The following PCDH15 variants were observed in gnomAD, a reference collection of about 807,000 sequenced individuals.
PCDH15 encodes protocadherin-15.
Under a neutral mutation model 178.5 loss-of-function variants are expected in PCDH15, and 129 were observed. That is an observed-to-expected ratio of 0.72 (90% CI 0.63 to 0.84). The LOEUF is 0.84. PCDH15 is among the 40% of genes least tolerant of loss of function. The pLI, the probability that PCDH15 is intolerant of heterozygous loss-of-function variation, is 0.00. For synonymous variants in PCDH15, 800 were observed against 732.0 expected, an observed-to-expected ratio of 1.09 and a Z score of -1.50; for missense variants, 2,230 against 2,099.9, an observed-to-expected ratio of 1.06 and a Z score of -1.21.
chr10:55,578,886 A>AC (rs1842549242), intron 2 of PCDH15, among the ~76,000 whole-genome samples: 1 of 151,908 alleles, frequency 6.6e-6, no homozygotes, highest in Non-Finnish European at 1.5e-5. Flanking sequence ...GGGAAGATCC[A>AC]CCCCCCTATG....
chr10:54,421,943 A>ATT (rs1955566233), intron 3 of PCDH15, among the ~76,000 whole-genome samples: 1 of 112,198 alleles, frequency 8.9e-6, no homozygotes, highest in Admixed American at 8.7e-5. Flanking sequence ...ATATATATAT[A>ATT]TAAAAATATA....
At position 55,573,023 on chromosome 10, in the gene PCDH15, C is replaced by T. The variant is rs576884566; in HGVS notation, c.-156+54602G>A. Reference sequence around the variant, plus strand: ...ATGATGTTATATTTACTCTATTAGACAATGTGACAAGAAGAATGGATCATT... The same window carrying T: ...ATGATGTTATATTTACTCTATTAGATAATGTGACAAGAAGAATGGATCATT... On this transcript the variant is annotated intron_variant, in intron 2 of 5. Coordinates refer to the PCDH15 transcript ENST00000613346. Among the ~76,000 whole-genome samples, 22 of 152,008 alleles carry T rather than the reference C, an allele frequency of 1.4e-4. No homozygotes were observed. In the East Asian group the frequency reaches 4.3e-3, roughly 29 times the overall value.
rs1204891961 is a variant in PCDH15 at position 55,432,111 on chromosome 10, ACAC to A, written c.-156+195511_-156+195513del. 4.7e-3 allele frequency among the ~76,000 whole-genome samples: 681 copies of A among 144,198 alleles called. 4 individuals are homozygous for A. Among genetic ancestry groups the A allele is most frequent in the African/African-American group, 0.017 (649 of 37,666 alleles). The allele number at this position is 144,198 out of a possible 152,430, so 94.6% of individuals were successfully genotyped here. ...CACACACACACACACACACACACAC[ACAC>A]CACAAGTCTCTCCAATTATATGCTC... On this transcript the variant is annotated intron_variant, in intron 2 of 5. Transcript: ENST00000613346.
intron 3 of PCDH15, among the ~76,000 whole-genome samples, chr10:54,826,282 A>G (rs1446342134): frequency 6.6e-6 from 1 of 152,056 alleles, no homozygotes; most frequent in Non-Finnish European, 1.5e-5. Flanking sequence ...GAAATTTTCA[A>G]TCAGCTATAT....
At chr10:54,625,111 A>G (rs1714108958) in intron 2 of PCDH15, among the ~76,000 whole-genome samples, 1 of 152,134 alleles carries the variant, frequency 6.6e-6, no homozygotes, top group Non-Finnish European at 1.5e-5. Context: ...AAAAGTACCA[A>G]AGCACTTTGA....
chr10:55,424,734 A>C (rs1044827710), intron 2 of PCDH15, among the ~76,000 whole-genome samples: 1 of 152,102 alleles, frequency 6.6e-6, no homozygotes, highest in Non-Finnish European at 1.5e-5. Flanking sequence ...CTTATATAAG[A>C]AAAAAGGCAA....
intron 8 of PCDH15, among the ~76,000 whole-genome samples, chr10:54,257,781 C>A (rs1018967727): frequency 1.3e-5 from 2 of 151,964 alleles, no homozygotes; most frequent in African/African-American, 4.8e-5. Context: ...TGGCCACTGA[C>A]CAAAAATAAA....
intron 2 of PCDH15, among the ~76,000 whole-genome samples, chr10:54,607,412 T>C (rs1265655323): frequency 1.3e-5 from 2 of 151,722 alleles, no homozygotes; most frequent in African/African-American, 2.4e-5. Context: ...TATGATAACA[T>C]GTGGCATTAT....
intron 21 of PCDH15, among the ~76,000 whole-genome samples, chr10:53,993,438 G>A (rs554301733): frequency 6.6e-6 from 1 of 152,262 alleles, no homozygotes; most frequent in South Asian, 2.1e-4. Context: ...TAGTTTGGAA[G>A]AGAGACTATT....
chr10:55,230,325 C>G (rs1197097260), intron 1 of PCDH15, among the ~76,000 whole-genome samples: 1 of 151,998 alleles, frequency 6.6e-6, no homozygotes, highest in Non-Finnish European at 1.5e-5. Context: ...CAGACAGTGA[C>G]ATACATATAT....
intron 2 of PCDH15, among the ~76,000 whole-genome samples, chr10:54,972,920 A>G (rs1838974979): frequency 6.6e-6 from 1 of 150,850 alleles, no homozygotes; most frequent in Non-Finnish European, 1.5e-5. Flanking sequence ...GAATTATTTT[A>G]TAAAAAAGAA....
At chr10:54,903,170 A>G (rs1331909969) in intron 2 of PCDH15, among the ~76,000 whole-genome samples, 1 of 152,190 alleles carries the variant, frequency 6.6e-6, no homozygotes, top group East Asian at 1.9e-4. Flanking sequence ...ACTAGGTACG[A>G]AAGAAAAGAA....
At chr10:55,605,292 T>G (rs1040316911) in intron 2 of PCDH15, among the ~76,000 whole-genome samples, 13 of 152,142 alleles carry the variant, frequency 8.5e-5, no homozygotes, top group Non-Finnish European at 1.6e-4. Flanking sequence ...ACCAGATGGA[T>G]TCACAGTCGA....
intron 2 of PCDH15, among the ~76,000 whole-genome samples, chr10:55,605,124 G>T (rs920408865): frequency 4.0e-5 from 6 of 150,916 alleles, no homozygotes; most frequent in Non-Finnish European, 8.9e-5. Flanking sequence ...ACACCTCTAC[G>T]CAAATAAACT....
At chr10:54,382,580 TACATA>T (rs1249466690) in intron 3 of PCDH15, among the ~76,000 whole-genome samples, 9 of 152,180 alleles carry the variant, frequency 5.9e-5, no homozygotes, top group East Asian at 1.9e-4. Flanking sequence ...ATTATGTGGT[TACATA>T]ACATGAGATT....
chr10:54,648,818 T>C (rs1175220546), intron 2 of PCDH15, among the ~76,000 whole-genome samples: 3 of 152,166 alleles, frequency 2.0e-5, no homozygotes, highest in African/African-American at 7.2e-5. Context: ...TATATATTTT[T>C]TTCCTGGGGA....
chr10:55,449,178 C>T (rs527893480), intron 2 of PCDH15, among the ~76,000 whole-genome samples: 42 of 152,060 alleles, frequency 2.8e-4, no homozygotes, highest in African/African-American at 8.9e-4. Flanking sequence ...CACCAATCAC[C>T]TCATTCTCAT....
intron 1 of PCDH15, among the ~76,000 whole-genome samples, chr10:55,307,759 T>G (rs1843469962): frequency 6.6e-6 from 1 of 151,944 alleles, no homozygotes. Context: ...TTTTAAAAAT[T>G]TATTCTTCCT....
chr10:53,870,969 CTTTTTTGCTTG>C (rs1463615162), intron 26 of PCDH15, among the ~76,000 whole-genome samples: 8 of 152,024 alleles, frequency 5.3e-5, no homozygotes, highest in African/African-American at 1.9e-4. Context: ...TTTAAACTTA[CTTTTTTGCTTG>C]TTTTTTGCAT....
Sources: allele counts gnomAD v4.1 joint callset (sites outside exome capture counted in the v4.1 genomes callset), GRCh38; gene constraint gnomAD v4.1.1; transcripts MANE v1.5; gene names NCBI Gene and HGNC (gene_info 2026-07-23, HGNC 2026-07-21).